PINK1: variants seen among roughly 807,000 people sequenced by gnomAD.
The protein encoded by PINK1 is PTEN induced kinase 1.
A neutral mutation model predicts 56.0 loss-of-function variants in PINK1; 58 were observed. The observed-to-expected ratio is 1.04, with a 90% CI of 0.84 to 1.29. The LOEUF is 1.29. Ranked by LOEUF, PINK1 falls within the 50% of genes most tolerant of loss-of-function variation. PINK1 has a pLI of 0.00. For synonymous variants in PINK1, 354 were observed against 339.3 expected, an observed-to-expected ratio of 1.04 and a Z score of -0.48; for missense variants, 745 against 777.9, an observed-to-expected ratio of 0.96 and a Z score of 0.50.
chr1:20,644,461 T>G (rs1200819692), intron 3 of PINK1, 29 bp from the exon 4 acceptor site: 1 of 1,611,588 alleles, frequency 6.2e-7, no homozygotes, highest in East Asian at 2.2e-5. Flanking sequence ...GATGCTGGCC[T>G]CATATGTTTG....
At chr1:20,647,406 C>A (rs1377716350) in intron 5 of PINK1, among the ~76,000 whole-genome samples, 1 of 151,272 alleles carries the variant, frequency 6.6e-6, no homozygotes, top group East Asian at 1.9e-4. Flanking sequence ...GATCCACCCA[C>A]CTCAGCCTCC....
intron 7 of PINK1, chr1:20,649,846 A>C (rs972140675): frequency 1.8e-5 from 3 of 166,928 alleles, no homozygotes; most frequent in Admixed American, 5.5e-5. Context: ...GATGTAGCTC[A>C]TGGAAGCAGC....
Position 20,648,611 on chromosome 1 carries a change from C to G in PINK1, c.1230C>G (p.Asn410Lys). 4 of 1,613,986 alleles carry G rather than the reference C, an allele frequency of 2.5e-6. No individual in the cohort carries two copies. Among genetic ancestry groups the G allele is most frequent in the Non-Finnish European group, 3.4e-6 (4 of 1,180,044 alleles). The change falls in exon 6 of 8, where the codon AAC (asparagine) becomes AAG (lysine). Residue 410 changes from asparagine (N) to lysine (K), a missense_variant. Asn to Lys is a moderately conservative substitution (Grantham distance 94). Transcript: ENST00000321556. ...GCTGGTACGTGGATCGGGGCGGAAACGGCTGTCTGATGGCCCCAGAGGTGA... is the reference window on the plus strand; with the variant it reads ...GCTGGTACGTGGATCGGGGCGGAAAGGGCTGTCTGATGGCCCCAGAGGTGA... ...FSSWYVDRGG[N>K]GCLMAPEVST...
At chr1:20,640,937 G>A (rs903548892) in intron 3 of PINK1, among the ~76,000 whole-genome samples, 1 of 152,158 alleles carries the variant, frequency 6.6e-6, no homozygotes, top group African/African-American at 2.4e-5. Context: ...TCAGGAGGCT[G>A]AGGCGGGAGG....
In PINK1 at chr1:20,650,776, C is replaced by G. The variant is rs1479786509; in HGVS notation, c.*85C>G. On this transcript the variant is annotated 3_prime_UTR_variant, in exon 8 of 8. Coordinates refer to ENST00000321556, the MANE Select transcript of PINK1 (RefSeq NM_032409.3). The stretch of plus-strand genomic sequence containing the variant: ...GTCTGTGAATGGTGAGGGTGGGAGT[C>G]AGGAGACAAGACAGCGCAGAGAGGG... 4 of 1,545,286 alleles carry G rather than the reference C, an allele frequency of 2.6e-6. No homozygotes were observed. Among genetic ancestry groups the G allele is most frequent in the Non-Finnish European group, 3.5e-6 (4 of 1,144,918 alleles).
Position 20,639,955 on chromosome 1 carries a change from G to C in PINK1, c.739G>C (p.Val247Leu). Residue 247 changes from valine (V) to leucine (L), a missense_variant, in exon 3 of 8, where the codon GTG (valine) becomes CTG (leucine). Physicochemically the swap from Val to Leu is conservative, Grantham distance 32 (BLOSUM62 1). Transcript: ENST00000321556. ...CCAGGAGCTGGTCCCAGCGAGCCGA[G>C]TGGCCTTGGCTGGGGAGTATGGAGC... is the stretch of plus-strand genomic sequence containing the variant. The part of the protein sequence containing the change: ...MSQELVPASR[V>L]ALAGEYGAVT... 6.2e-7 allele frequency: 1 copy of C among 1,612,690 alleles called. No individual in the cohort carries two copies. The highest frequency in any genetic ancestry group is 2.2e-5 in the East Asian group (1 of 44,852).
chr1:20,640,701 G>T (rs1182026279), intron 3 of PINK1, among the ~76,000 whole-genome samples: 1 of 152,152 alleles, frequency 6.6e-6, no homozygotes, highest in African/African-American at 2.4e-5. Flanking sequence ...CCTCACCACA[G>T]GTGGTGAGGA....
rs1300751176 is a variant in PINK1 at position 20,641,394 on chromosome 1, G to A, written c.776+1402G>A. On this transcript the variant is annotated intron_variant, in intron 3 of 7. Coordinates refer to ENST00000321556, the MANE Select transcript of PINK1 (RefSeq NM_032409.3). This position sits in a 1 kb window ranked among gnomAD's most constrained non-coding sequence, Gnocchi z 4.0. ...TGTCCTGCTGCCGGAGCACCATGAT[G>A]TCTGCTGCTGAGACCTCCCATCTGA... Among the ~76,000 whole-genome samples, 1 of 152,176 alleles carries A rather than the reference G, an allele frequency of 6.6e-6. No homozygotes were observed. The highest frequency in any genetic ancestry group is 1.5e-5 in the Non-Finnish European group (1 of 68,024).
At chr1:20,649,303 G>A in intron 7 of PINK1, 72 bp downstream of exon 7, 3 of 1,514,616 alleles carry the variant, frequency 2.0e-6, no homozygotes, top group Non-Finnish European at 2.7e-6. Flanking sequence ...GTGAAGGTCA[G>A]GTTTGGGCCA....
At chr1:20,645,148 G>C (rs1478130607) in intron 4 of PINK1, among the ~76,000 whole-genome samples, 1 of 152,174 alleles carries the variant, frequency 6.6e-6, no homozygotes, top group Non-Finnish European at 1.5e-5. Context: ...GGGAATCAAA[G>C]TGCTCCTGGA....
At chr1:20,645,474 T>A in intron 4 of PINK1, 86 bp from the exon 5 acceptor site, 1 of 1,403,702 alleles carries the variant, frequency 7.1e-7, no homozygotes, top group African/African-American at 1.6e-5. Context: ...GGCGACAGAG[T>A]GAGACTCCAT....
chr1:20,648,433 G>A, intron 5 of PINK1, 72 bp from the exon 6 acceptor site: 1 of 1,602,432 alleles, frequency 6.2e-7, no homozygotes, highest in Non-Finnish European at 8.5e-7. Context: ...GGTGGCTTTA[G>A]TAGGGACATA....
At chr1:20,650,324 G>A in intron 7 of PINK1, 110 bp from the exon 8 acceptor site, 8 of 1,414,858 alleles carry the variant, frequency 5.7e-6, no homozygotes, top group Admixed American at 3.9e-5. Context: ...ATAGGGTAGA[G>A]GAAGAATTGG....
chr1:20,643,960 T>G (rs1382494748), intron 3 of PINK1, among the ~76,000 whole-genome samples: 2 of 119,820 alleles, frequency 1.7e-5, no homozygotes, highest in Non-Finnish European at 3.7e-5. Flanking sequence ...TTAGGCACAG[T>G]AAAAAATTAA....
chr1:20,648,282 C>A, intron 5 of PINK1: 1 of 609,274 alleles, frequency 1.6e-6, no homozygotes, highest in Non-Finnish European at 3.0e-6. Flanking sequence ...GCCACACAGT[C>A]CTTTGCCTGG....
At position 20,633,943 on chromosome 1, in the gene PINK1, G is replaced by T. The variant is rs1417053718; in HGVS notation, c.387+8G>T. ...GCCTGTCAGGAGATCCAGGTGAGCG[G>T]GGCCGGGTCCTAAGCCGAGCGGAGG... On this transcript the variant is annotated splice_region_variant and intron_variant, in intron 1 of 7. Coordinates refer to ENST00000321556, the MANE Select transcript of PINK1 (RefSeq NM_032409.3). 1 of 1,582,716 alleles carries T rather than the reference G, an allele frequency of 6.3e-7. No individual in the cohort carries two copies. Among genetic ancestry groups the T allele is most frequent in the Non-Finnish European group, 8.6e-7 (1 of 1,168,206 alleles).
chr1:20,633,665 C>T lies in PINK1; in HGVS notation c.117C>T (p.Gly39=), dbSNP rs2053016009. The change falls in exon 1 of 8, where the codon GGC becomes GGT. Residue 39 remains glycine (G), a synonymous_variant. Coordinates refer to ENST00000321556, the MANE Select transcript of PINK1 (RefSeq NM_032409.3). ...TGGGGCGGCCGGGCCCGGCGGCGGG[C>T]TGTGTCCGCGGGGAGCGTCCAGGCT... is the stretch of plus-strand genomic sequence containing the variant. ...YGLGRPGPAA[G]CVRGERPGWA... is the part of the protein sequence containing the mutation. 2.9e-6 allele frequency: 4 copies of T among 1,357,732 alleles called. No homozygotes were observed. Among genetic ancestry groups the T allele is most frequent in the African/African-American group, 1.5e-5 (1 of 65,078 alleles). The allele number at this position is 1,357,732 out of a possible 1,614,324, so 84.1% of individuals were successfully genotyped here. A position where few individuals can be genotyped will look rare whatever the true frequency, so the allele number is the denominator to read the frequency against.
rs2053211983 is a variant in PINK1, at chr1:20,648,233, T to TG, written c.1124-268dup. On this transcript the variant is annotated intron_variant, in intron 5 of 7. Transcript: ENST00000321556. ...AACCAAGCTCTAGCTCCTTTGGTCT[T>TG]GGGGACAGCTCCAATTACTAGAACA... The TG allele has an allele frequency of 2.2e-5, 11 of 491,944 alleles. 1 individual carries two copies. Among genetic ancestry groups the TG allele is most frequent in the South Asian group, 2.0e-4 (10 of 49,082 alleles). 30.5% of individuals were successfully genotyped at this position (491,944 alleles called of 1,614,324 possible). A position where few individuals can be genotyped will look rare whatever the true frequency, so the allele number is the denominator to read the frequency against.
At chr1:20,633,970 C>T in intron 1 of PINK1, 35 bp downstream of exon 1, 1 of 1,081,874 alleles carries the variant, frequency 9.2e-7, no homozygotes, top group Non-Finnish European at 1.2e-6. Context: ...GAGCGGAGGA[C>T]GGAGCTAAGC....
Sources: gnomAD v4.1 joint callset for allele counts (sites outside exome capture counted in the v4.1 genomes callset) on GRCh38, gnomAD v4.1.1 for gene constraint, Gnocchi (gnomAD v3.1) non-coding constraint, MANE v1.5 for transcripts, NCBI Gene and HGNC (gene_info 2026-07-23, HGNC 2026-07-21) for gene names.